Variants in EXOC4 observed in about 807,000 individuals in gnomAD.
The protein encoded by EXOC4 is SEC8-like 1.
Under a neutral mutation model 107.2 loss-of-function variants are expected in EXOC4, and 71 were observed. The ratio of observed to expected loss-of-function variants is 0.66; its 90% CI spans 0.55 to 0.81. EXOC4 has a LOEUF of 0.81. EXOC4 is among the 30% of genes least tolerant of loss of function. EXOC4 has a pLI of 0.00. For synonymous variants in EXOC4, 456 were observed against 441.2 expected, an observed-to-expected ratio of 1.03 and a Z score of -0.42; for missense variants, 1,108 against 1,189.6, an observed-to-expected ratio of 0.93 and a Z score of 1.01.
At position 133,934,328 on chromosome 7, in the gene EXOC4, A is replaced by G. The variant is rs143268578; in HGVS notation, c.2028-3563A>G. Among the ~76,000 whole-genome samples the G allele has an allele frequency of 6.6e-5, 10 of 152,324 alleles. No homozygotes were observed. The Middle Eastern group carries it at 0.014, about 207-fold the overall frequency. ...TTGTGTGAAATGGTTATAGCTGTCA[A>G]TCACTTATTCTCTGTGTCATGGTTT... On this transcript the variant is annotated intron_variant, in intron 13 of 17. Coordinates refer to ENST00000253861, the MANE Select transcript of EXOC4 (RefSeq NM_021807.4).
chr7:133,438,242 A>G (rs78780820), intron 7 of EXOC4, among the ~76,000 whole-genome samples: 2,160 of 152,290 alleles, frequency 0.014, 57 homozygotes, highest in African/African-American at 0.049. Flanking sequence ...ATGATGTCTC[A>G]TATGGTACCC....
chr7:133,321,992 A>G (rs988726142), intron 5 of EXOC4, among the ~76,000 whole-genome samples: 7 of 150,054 alleles, frequency 4.7e-5, no homozygotes, highest in Non-Finnish European at 9.0e-5. Context: ...GAGCATTTTC[A>G]TTATGTTGGC....
intron 11 of EXOC4, among the ~76,000 whole-genome samples, chr7:133,874,989 C>G (rs779106888): frequency 1.5e-4 from 23 of 152,194 alleles, no homozygotes; most frequent in Non-Finnish European, 2.8e-4. Flanking sequence ...AATAACATTG[C>G]TACATCAAGA....
At chr7:133,459,639 A>C (rs931303936) in intron 7 of EXOC4, among the ~76,000 whole-genome samples, 1 of 152,216 alleles carries the variant, frequency 6.6e-6, no homozygotes, top group African/African-American at 2.4e-5. Flanking sequence ...AAATAGTTGA[A>C]AGACAGGATC....
intron 17 of EXOC4, among the ~76,000 whole-genome samples, chr7:134,051,185 T>C (rs1795778779): frequency 6.6e-6 from 1 of 152,170 alleles, no homozygotes; most frequent in Admixed American, 6.5e-5. Context: ...GACGTTTTGA[T>C]CTACTGAGAA....
At chr7:133,598,430 CTGTCTGG>C (rs1801732424) in intron 9 of EXOC4, among the ~76,000 whole-genome samples, 1 of 152,174 alleles carries the variant, frequency 6.6e-6, no homozygotes, top group African/African-American at 2.4e-5. Flanking sequence ...TGTGGCTGTC[CTGTCTGG>C]CATAGCAGCC....
intron 12 of EXOC4, among the ~76,000 whole-genome samples, chr7:133,903,269 G>T (rs1181931570): frequency 6.6e-6 from 1 of 152,220 alleles, no homozygotes; most frequent in Non-Finnish European, 1.5e-5. Flanking sequence ...ATTGTGCGTA[G>T]GAGCAGCATG....
intron 7 of EXOC4, among the ~76,000 whole-genome samples, chr7:133,467,639 A>C (rs1798764282): frequency 7.1e-6 from 1 of 141,204 alleles, no homozygotes; most frequent in Admixed American, 7.3e-5. Context: ...CTCCCTTTCC[A>C]GGCTTACCTC....
intron 9 of EXOC4, among the ~76,000 whole-genome samples, chr7:133,540,069 T>C (rs956215586): frequency 2.0e-5 from 3 of 152,198 alleles, no homozygotes; most frequent in African/African-American, 7.2e-5. Context: ...AGCAGTTCGC[T>C]ATTTGCTGGT....
chr7:133,958,393 A>G (rs374281479), intron 14 of EXOC4, among the ~76,000 whole-genome samples: 1 of 152,152 alleles, frequency 6.6e-6, no homozygotes, highest in African/African-American at 2.4e-5. Flanking sequence ...ATTAAATAGT[A>G]TGATTACTAT....
intron 17 of EXOC4, 99 bp from the exon 18 acceptor site, chr7:134,064,192 A>G: frequency 1.4e-6 from 1 of 703,604 alleles, no homozygotes; most frequent in Non-Finnish European, 2.2e-6. Context: ...ATCGTTATGA[A>G]GTAAGTAGAG....
intron 11 of EXOC4, among the ~76,000 whole-genome samples, chr7:133,853,606 C>A (rs1798287420): frequency 6.6e-6 from 1 of 152,070 alleles, no homozygotes; most frequent in Non-Finnish European, 1.5e-5. Context: ...GAAAGAAAAT[C>A]TTTCTTTGCC....
chr7:133,637,271 A>G lies in EXOC4; in HGVS notation c.1514+7130A>G, dbSNP rs191364263. Among the ~76,000 whole-genome samples, 7 of 152,334 alleles carry G rather than the reference A, an allele frequency of 4.6e-5. No homozygotes were observed. In the South Asian group the frequency reaches 6.2e-4, roughly 14 times the overall value. On this transcript the variant is annotated intron_variant, in intron 10 of 17. Coordinates refer to ENST00000253861, the MANE Select transcript of EXOC4 (RefSeq NM_021807.4). ...AATTATAGTACTTATAATATCACATATTGCCAATATTTCCAGATCAAAGGC... is the reference window on the plus strand; with the variant it reads ...AATTATAGTACTTATAATATCACATGTTGCCAATATTTCCAGATCAAAGGC...
chr7:133,642,950 T>C (rs1341480783), intron 10 of EXOC4, among the ~76,000 whole-genome samples: 1 of 152,210 alleles, frequency 6.6e-6, no homozygotes, highest in Non-Finnish European at 1.5e-5. Context: ...AATCAGCGCA[T>C]GTATCCCCTT....
At chr7:133,447,503 A>G (rs1391380509) in intron 7 of EXOC4, 5 of 152,060 alleles carry the variant, frequency 3.3e-5, no homozygotes, top group African/African-American at 1.2e-4. Flanking sequence ...GTACTTAGAG[A>G]GTTCACATTT....
chr7:133,663,823 T>C (rs922967149), intron 10 of EXOC4, among the ~76,000 whole-genome samples: 1 of 152,190 alleles, frequency 6.6e-6, no homozygotes. Context: ...CTTTTAACCA[T>C]AATGATGCTT....
At chr7:133,553,745 A>G (rs1176722252) in intron 9 of EXOC4, among the ~76,000 whole-genome samples, 4 of 152,168 alleles carry the variant, frequency 2.6e-5, no homozygotes, top group African/African-American at 9.7e-5. Context: ...AGAAAGTATT[A>G]CCGAATTTGA....
chr7:134,077,884 A>C, the EXOC4 span, among the ~76,000 whole-genome samples: 1 of 152,248 alleles, frequency 6.6e-6, no homozygotes, highest in Non-Finnish European at 1.5e-5. Flanking sequence ...ACTTGAAGTC[A>C]CTAGTTACAG....
chr7:133,854,351 C>T (rs960339496), intron 11 of EXOC4, among the ~76,000 whole-genome samples: 12 of 148,972 alleles, frequency 8.1e-5, no homozygotes, highest in African/African-American at 2.5e-4. Flanking sequence ...ATTGGTCCTC[C>T]GATTCCTAGG....
Sources: allele counts gnomAD v4.1 joint callset (sites outside exome capture counted in the v4.1 genomes callset), GRCh38; gene constraint gnomAD v4.1.1; transcripts MANE v1.5; gene names NCBI Gene and HGNC (gene_info 2026-07-23, HGNC 2026-07-21).